The following PPP2R2B variants were observed in gnomAD, a reference collection of about 807,000 sequenced individuals.
PPP2R2B encodes the protein protein phosphatase 2 regulatory subunit Bbeta, also known as serine/threonine-protein phosphatase 2A 55 kDa regulatory subunit B beta isoform.
PPP2R2B carries 5 observed loss-of-function variants against 46.0 expected under a neutral mutation model. The observed-to-expected ratio is 0.11, with a 90% CI of 0.06 to 0.23. The LOEUF is 0.23. PPP2R2B is among the 10% of genes least tolerant of loss of function. The pLI is 1.00. For synonymous variants in PPP2R2B, 215 were observed against 206.7 expected, an observed-to-expected ratio of 1.04 and a Z score of -0.34; for missense variants, 367 against 575.0, an observed-to-expected ratio of 0.64 and a Z score of 3.70.
intron 7 of PPP2R2B, among the ~76,000 whole-genome samples, chr5:146,625,413 A>G (rs916352692): frequency 3.3e-5 from 5 of 152,238 alleles, no homozygotes; most frequent in African/African-American, 1.2e-4. Flanking sequence ...AAAGAGAAGT[A>G]TCAGATGCAA....
chr5:146,836,006 C>T (rs1353324567), intron 2 of PPP2R2B, among the ~76,000 whole-genome samples: 1 of 152,138 alleles, frequency 6.6e-6, no homozygotes, highest in Admixed American at 6.5e-5. Context: ...GATGATAACA[C>T]CACCAACCGC....
chr5:146,844,892 C>A (rs1385179802), intron 2 of PPP2R2B, among the ~76,000 whole-genome samples: 3 of 152,196 alleles, frequency 2.0e-5, no homozygotes, highest in Non-Finnish European at 2.9e-5. Context: ...GACCTGAGGT[C>A]AAGGCAGTCT....
intron 4 of PPP2R2B, among the ~76,000 whole-genome samples, chr5:146,696,146 C>T (rs984362985): frequency 3.3e-5 from 5 of 151,780 alleles, no homozygotes; most frequent in African/African-American, 9.7e-5. Context: ...CTCTGTCGCC[C>T]AGGGTAGAGT....
At chr5:146,658,323 G>A (rs961391995) in intron 5 of PPP2R2B, among the ~76,000 whole-genome samples, 21 of 152,108 alleles carry the variant, frequency 1.4e-4, no homozygotes, top group Admixed American at 2.0e-4. Flanking sequence ...TCCAGATTCC[G>A]GCCTCGCTTC....
At chr5:146,997,746 C>A (rs549301731) in intron 1 of PPP2R2B, among the ~76,000 whole-genome samples, 1 of 151,898 alleles carries the variant, frequency 6.6e-6, no homozygotes, top group Non-Finnish European at 1.5e-5. Context: ...TTAATTTTTG[C>A]GAATAAAGTA....
intron 7 of PPP2R2B, among the ~76,000 whole-genome samples, chr5:146,637,678 G>T (rs1003833845): frequency 1.7e-4 from 26 of 152,220 alleles, no homozygotes; most frequent in African/African-American, 6.3e-4. Context: ...TTATGACATG[G>T]CTCTGGCATC....
intron 2 of PPP2R2B, among the ~76,000 whole-genome samples, chr5:146,727,531 G>T (rs2077613078): frequency 6.6e-6 from 1 of 152,056 alleles, no homozygotes; most frequent in African/African-American, 2.4e-5. Flanking sequence ...AGGTGGGAAG[G>T]TAGAATGGGG....
chr5:146,655,899 G>A (rs1776295356), intron 5 of PPP2R2B, among the ~76,000 whole-genome samples: 1 of 150,048 alleles, frequency 6.7e-6, no homozygotes, highest in Non-Finnish European at 1.5e-5. Flanking sequence ...TCCCCAAAGA[G>A]AGGTGGGGGG....
At chr5:146,826,463 A>T (rs2151341299) in intron 2 of PPP2R2B, among the ~76,000 whole-genome samples, 1 of 152,194 alleles carries the variant, frequency 6.6e-6, no homozygotes, top group Non-Finnish European at 1.5e-5. Flanking sequence ...ATAAGGGAAA[A>T]TTTGCTTTGT....
At chr5:146,898,316 T>C (rs554422688) in intron 1 of PPP2R2B, among the ~76,000 whole-genome samples, 1 of 152,336 alleles carries the variant, frequency 6.6e-6, no homozygotes, top group South Asian at 2.1e-4. Flanking sequence ...TTTTGGTTAC[T>C]GTAGCCTTGC....
chr5:147,026,864 G>C (rs2151888772), intron 1 of PPP2R2B, among the ~76,000 whole-genome samples: 1 of 152,180 alleles, frequency 6.6e-6, no homozygotes, highest in South Asian at 2.1e-4. Context: ...AACTACTTTG[G>C]AAAATAGTTT....
chr5:146,636,968 C>T (rs1230277846), intron 7 of PPP2R2B, among the ~76,000 whole-genome samples: 1 of 152,200 alleles, frequency 6.6e-6, no homozygotes, highest in East Asian at 1.9e-4. Context: ...ACTGCTCAGC[C>T]TCTGCCTTCC....
At chr5:146,720,064 T>A (rs1490761446) in intron 2 of PPP2R2B, among the ~76,000 whole-genome samples, 1 of 152,170 alleles carries the variant, frequency 6.6e-6, no homozygotes, top group Admixed American at 6.5e-5. Context: ...TCTGCTTTCA[T>A]CTTTTACGCT....
At chr5:146,966,513 C>G (rs1045062408) in intron 1 of PPP2R2B, among the ~76,000 whole-genome samples, 4 of 152,174 alleles carry the variant, frequency 2.6e-5, no homozygotes, top group African/African-American at 9.7e-5. Context: ...TCTGACATGA[C>G]CTAAGGCCCC....
At chr5:146,712,948 A>G (rs544283963) in intron 2 of PPP2R2B, among the ~76,000 whole-genome samples, 1 of 152,378 alleles carries the variant, frequency 6.6e-6, no homozygotes, top group East Asian at 1.9e-4. Context: ...CAGATATTAA[A>G]GAAAGATCAA....
intron 2 of PPP2R2B, among the ~76,000 whole-genome samples, chr5:146,732,678 T>C (rs1396937454): frequency 1.3e-5 from 2 of 152,226 alleles, no homozygotes; most frequent in Non-Finnish European, 2.9e-5. Flanking sequence ...ATAAAATTTA[T>C]TGTATGTAAA....
chr5:146,787,819 C>G (rs532308309), intron 2 of PPP2R2B, among the ~76,000 whole-genome samples: 2 of 152,166 alleles, frequency 1.3e-5, no homozygotes, highest in South Asian at 4.2e-4. Flanking sequence ...CCACCCACCT[C>G]GGACTCCCAA....
intron 1 of PPP2R2B, among the ~76,000 whole-genome samples, chr5:146,918,714 A>C (rs1288495635): frequency 6.6e-6 from 1 of 152,104 alleles, no homozygotes; most frequent in African/African-American, 2.4e-5. Flanking sequence ...TGTCTTGCCA[A>C]TAGGCCTTTA....
intron 2 of PPP2R2B, among the ~76,000 whole-genome samples, chr5:146,739,226 C>T (rs952890061): frequency 2.6e-5 from 4 of 152,108 alleles, no homozygotes; most frequent in South Asian, 2.1e-4. Flanking sequence ...AACTATGTTG[C>T]CCAAGCTGGT....
Sources: allele counts gnomAD v4.1 joint callset (sites outside exome capture counted in the v4.1 genomes callset), GRCh38; gene constraint gnomAD v4.1.1; transcripts MANE v1.5; gene names NCBI Gene and HGNC (gene_info 2026-07-23, HGNC 2026-07-21).